The following XPR1 variants were observed in gnomAD, a reference collection of about 807,000 sequenced individuals.
XPR1 encodes solute carrier family 53 member 1.
XPR1 carries 28 observed loss-of-function variants against 87.5 expected under a neutral mutation model. That is an observed-to-expected ratio of 0.32 (90% CI 0.24 to 0.44). The LOEUF (loss-of-function observed/expected upper bound fraction) is 0.44, where lower values mean the gene tolerates loss of function less well. Ranked by LOEUF, XPR1 falls within the 20% of genes least tolerant of loss-of-function variation. The pLI is 1.00. For missense variants in XPR1, 559 were observed against 862.3 expected (o/e 0.65, Z 4.41); for synonymous variants, 300 against 306.1 (o/e 0.98, Z 0.21).
At chr1:180,854,103 A>G (rs966527917) in intron 11 of XPR1, among the ~76,000 whole-genome samples, 3 of 152,188 alleles carry the variant, frequency 2.0e-5, no homozygotes, top group African/African-American at 4.8e-5. Context: ...TGCTTTATCT[A>G]TTTTTAGCTC....
intron 1 of XPR1, among the ~76,000 whole-genome samples, chr1:180,643,425 T>C (rs1361601262): frequency 6.6e-6 from 1 of 152,192 alleles, no homozygotes. Context: ...CGTTCTAGAT[T>C]TGATGAAATA....
At chr1:180,858,793 G>T (rs1443565389) in intron 11 of XPR1, among the ~76,000 whole-genome samples, 1 of 152,092 alleles carries the variant, frequency 6.6e-6, no homozygotes, top group African/African-American at 2.4e-5. Flanking sequence ...TCTGCCCTAA[G>T]GATAAAGATG....
chr1:180,692,311 A>G (rs1010729339), intron 2 of XPR1, among the ~76,000 whole-genome samples: 3 of 152,066 alleles, frequency 2.0e-5, no homozygotes, highest in African/African-American at 4.8e-5. Flanking sequence ...TGGTAGATCT[A>G]TCTGTAGGCA....
At chr1:180,821,168 G>A (rs913688971) in intron 7 of XPR1, among the ~76,000 whole-genome samples, 2 of 152,106 alleles carry the variant, frequency 1.3e-5, no homozygotes, top group Non-Finnish European at 2.9e-5. Context: ...TTTCTTTGGA[G>A]TTTTATGGTT....
intron 2 of XPR1, among the ~76,000 whole-genome samples, chr1:180,730,834 T>G (rs1296344462): frequency 2.0e-5 from 3 of 151,582 alleles, no homozygotes; most frequent in Non-Finnish European, 4.4e-5. Flanking sequence ...AGCTAATTTT[T>G]TTTTTTATTT....
chr1:180,771,283 T>G (rs76513718), intron 2 of XPR1, among the ~76,000 whole-genome samples: 4 of 149,266 alleles, frequency 2.7e-5, no homozygotes, highest in African/African-American at 9.9e-5. Context: ...TTTGAATTGG[T>G]TTTTTTTTTA....
chr1:180,658,714 G>A (rs1326471156), intron 1 of XPR1, among the ~76,000 whole-genome samples: 27 of 150,706 alleles, frequency 1.8e-4, no homozygotes, highest in South Asian at 2.1e-4. Context: ...ACAGGCGCCC[G>A]CCACCATGCC....
chr1:180,729,963 C>T (rs542626472), intron 2 of XPR1, among the ~76,000 whole-genome samples: 41 of 152,222 alleles, frequency 2.7e-4, no homozygotes, highest in African/African-American at 9.1e-4. Flanking sequence ...AAATCTTTGC[C>T]GGGGTCTATG....
At chr1:180,642,058 C>T (rs1328446736) in intron 1 of XPR1, among the ~76,000 whole-genome samples, 5 of 152,268 alleles carry the variant, frequency 3.3e-5, no homozygotes, top group Non-Finnish European at 5.9e-5. Context: ...AATTAAAAGA[C>T]TGGGTAAATT....
intron 2 of XPR1, among the ~76,000 whole-genome samples, chr1:180,764,096 G>A (rs145172750): frequency 3.3e-5 from 5 of 152,258 alleles, no homozygotes; most frequent in East Asian, 3.9e-4. Context: ...TCATTATAGT[G>A]TATAAATTCA....
intron 1 of XPR1, among the ~76,000 whole-genome samples, chr1:180,676,691 A>G (rs1022529573): frequency 2.6e-5 from 4 of 152,184 alleles, no homozygotes; most frequent in African/African-American, 9.7e-5. Context: ...ATGTTCCCTG[A>G]GACACAAGAA....
chr1:180,720,461 T>A (rs115972217), intron 2 of XPR1, among the ~76,000 whole-genome samples: 5,177 of 152,216 alleles, frequency 0.034, 133 homozygotes, highest in African/African-American at 0.07. Flanking sequence ...TAAAAGAAAT[T>A]TGAAAATCAT....
chr1:180,815,540 A>ATGCAC (rs1190034191), intron 7 of XPR1, among the ~76,000 whole-genome samples: 3 of 152,194 alleles, frequency 2.0e-5, no homozygotes, highest in Non-Finnish European at 2.9e-5. Flanking sequence ...CATTCACATT[A>ATGCAC]AAAAATGTGC....
chr1:180,765,281 T>C (rs1648233942), intron 2 of XPR1, among the ~76,000 whole-genome samples: 1 of 152,224 alleles, frequency 6.6e-6, no homozygotes. Flanking sequence ...CACAGTATAG[T>C]CTGCCAAATT....
At chr1:180,701,268 TGA>T (rs1657322134) in intron 2 of XPR1, among the ~76,000 whole-genome samples, 1 of 55,176 alleles carries the variant, frequency 1.8e-5, no homozygotes, top group African/African-American at 1.1e-4. Flanking sequence ...ATAGGAGCGG[TGA>T]GAGAGGGCAT....
At chr1:180,717,095 C>T (rs748442238) in intron 2 of XPR1, among the ~76,000 whole-genome samples, 8 of 152,100 alleles carry the variant, frequency 5.3e-5, no homozygotes, top group Non-Finnish European at 7.4e-5. Context: ...TGGGTTCAAG[C>T]GATTCTTCTG....
chr1:180,809,230 G>C (rs1650118502), intron 6 of XPR1, among the ~76,000 whole-genome samples: 1 of 152,076 alleles, frequency 6.6e-6, no homozygotes. Flanking sequence ...TGACAGAAAG[G>C]AGATCAGTGG....
chr1:180,769,656 G>T (rs114197278), intron 2 of XPR1, among the ~76,000 whole-genome samples: 3 of 152,044 alleles, frequency 2.0e-5, no homozygotes, highest in African/African-American at 7.2e-5. Flanking sequence ...TTGTGTATAC[G>T]TACCACATTT....
At chr1:180,746,162 A>G (rs950195104) in intron 2 of XPR1, among the ~76,000 whole-genome samples, 3 of 152,100 alleles carry the variant, frequency 2.0e-5, no homozygotes, top group African/African-American at 4.8e-5. Flanking sequence ...TGCATTGTAT[A>G]GTGGTGAAGT....
Sources: gnomAD v4.1 joint callset for allele counts (sites outside exome capture counted in the v4.1 genomes callset) on GRCh38, gnomAD v4.1.1 for gene constraint, MANE v1.5 for transcripts, NCBI Gene and HGNC (gene_info 2026-07-23, HGNC 2026-07-21) for gene names.